TMEM160: variants seen among roughly 807,000 people sequenced by gnomAD.
TMEM160 encodes the protein transmembrane protein 160.
A neutral mutation model predicts 13.9 loss-of-function variants in TMEM160; 10 were observed. The ratio of observed to expected loss-of-function variants is 0.72; its 90% CI spans 0.45 to 1.22. The LOEUF (loss-of-function observed/expected upper bound fraction) is 1.22. Ranked by LOEUF, TMEM160 falls within the 50% of genes most tolerant of loss-of-function variation. The pLI, the probability that TMEM160 is intolerant of heterozygous loss-of-function variation, is 0.00. For missense variants in TMEM160, 287 were observed against 283.2 expected, an observed-to-expected ratio of 1.01 and a Z score of -0.10; for synonymous variants, 159 against 134.8, an observed-to-expected ratio of 1.18 and a Z score of -1.25.
intron 2 of TMEM160, 109 bp downstream of exon 2, chr19:47,046,484 C>G: frequency 9.8e-7 from 1 of 1,024,768 alleles, no homozygotes; most frequent in Non-Finnish European, 1.5e-6. Context: ...GGGTTCTATA[C>G]TTACTACTGG....
At position 47,046,092 on chromosome 19, in the gene TMEM160, G is replaced by A. The variant is rs370873146; in HGVS notation, c.462C>T (p.Gly154=). 118 of 1,537,952 alleles carry A rather than the reference G, an allele frequency of 7.7e-5. No homozygotes were observed. Among genetic ancestry groups the A allele is most frequent in the Non-Finnish European group, 7.1e-5 (81 of 1,148,136 alleles). ...AASLLWACAV[G]LYMGQLELDV... ...CCAGCTCCAGCTGCCCCATGTAGAG[G>A]CCCACGGCGCACGCCCAGAGCAGGC... The change falls in exon 3 of 3, where the codon GGC becomes GGT. Residue 154 remains glycine (G), a synonymous_variant. Coordinates refer to ENST00000253047, the MANE Select transcript of TMEM160 (RefSeq NM_017854.2).
Position 47,046,579 on chromosome 19 carries a change from G to A in TMEM160, c.301+14C>T. 6.2e-7 allele frequency: 1 copy of A among 1,604,566 alleles called. No homozygotes were observed. Among genetic ancestry groups the A allele is most frequent in the Non-Finnish European group, 8.5e-7 (1 of 1,172,270 alleles). ...CCCTGGTTCCGTGGGGCGAGAGGGG[G>A]GGTCTGCACTCACCATATGCTGCTT... On this transcript the variant is annotated intron_variant, in intron 2 of 2. Coordinates refer to ENST00000253047, the MANE Select transcript of TMEM160 (RefSeq NM_017854.2).
At position 47,047,892 on chromosome 19, in the gene TMEM160, A is replaced by G. The variant is rs566932707; in HGVS notation, c.208+515T>C. On this transcript the variant is annotated intron_variant, in intron 1 of 2. Coordinates refer to ENST00000253047, the MANE Select transcript of TMEM160 (RefSeq NM_017854.2). Reference sequence around the variant, plus strand: ...AAAACAAACATGGCCAGTCCGCTCCATTCTGGACCTCGCCTCCGTCACAAG... The same window carrying G: ...AAAACAAACATGGCCAGTCCGCTCCGTTCTGGACCTCGCCTCCGTCACAAG... The G allele has an allele frequency of 7.9e-5, 78 of 984,560 alleles. No individual in the cohort carries two copies. In the South Asian group the frequency reaches 3.1e-3, roughly 39 times the overall value. The allele number at this position is 984,560 out of a possible 1,614,324, so 61.0% of individuals were successfully genotyped here. A position where few individuals can be genotyped will look rare whatever the true frequency, so the allele number is the denominator to read the frequency against.
intron 1 of TMEM160, 106 bp downstream of exon 1, chr19:47,048,301 G>T (rs1364554200): frequency 1.2e-5 from 12 of 1,041,726 alleles, no homozygotes; most frequent in Admixed American, 9.7e-5. Flanking sequence ...CCTTCTCGGA[G>T]CCGAGCCCGG....
In TMEM160 at chr19:47,048,498, G is replaced by A. The variant is rs977930896; in HGVS notation, c.117C>T (p.Pro39=). The change falls in exon 1 of 3, where the codon CCC becomes CCT. Residue 39 remains proline (P), a synonymous_variant. Transcript: ENST00000253047. ...RSGGARGSFA[P]GHGPRAGASP... ...AAGCCCCGGCGCGGGGACCGTGGCC[G>A]GGGGCGAAGGACCCCCGGGCGCCCC... is the stretch of plus-strand genomic sequence containing the variant. 87 of 1,432,080 alleles carry A rather than the reference G, an allele frequency of 6.1e-5. 1 individual carries two copies. The Admixed American group carries it at 2.6e-3, about 43-fold the overall frequency. 88.7% of individuals were successfully genotyped at this position (1,432,080 alleles called of 1,614,324 possible).
intron 1 of TMEM160, chr19:47,047,483 G>A (rs2057086790): frequency 2.0e-6 from 2 of 985,134 alleles, no homozygotes; most frequent in African/African-American, 1.8e-5. Flanking sequence ...TACCGAGTAT[G>A]GCCTGGGCCA....
intron 1 of TMEM160, chr19:47,047,326 C>A: frequency 1.0e-6 from 1 of 985,466 alleles, no homozygotes. Flanking sequence ...TCTACGTGTA[C>A]CCCCACGGCC....
At chr19:47,048,340 C>G (rs2057091950) in intron 1 of TMEM160, 67 bp downstream of exon 1, 1 of 1,323,914 alleles carries the variant, frequency 7.6e-7, no homozygotes, top group Non-Finnish European at 1.0e-6. Flanking sequence ...GCCCCCGCCC[C>G]ATCAAGGTCC....
At chr19:47,048,300 A>G (rs1568515038) in intron 1 of TMEM160, 107 bp downstream of exon 1, 4 of 1,028,556 alleles carry the variant, frequency 3.9e-6, no homozygotes, top group Non-Finnish European at 4.0e-6. Context: ...CCCTTCTCGG[A>G]GCCGAGCCCG....
Position 47,046,581 on chromosome 19 carries a change from G to C in TMEM160, c.301+12C>G, listed in dbSNP as rs747900007. 4.6e-5 allele frequency: 74 copies of C among 1,605,904 alleles called. No homozygotes were observed. Among genetic ancestry groups the C allele is most frequent in the Non-Finnish European group, 5.8e-5 (68 of 1,173,658 alleles). ...CTGGTTCCGTGGGGCGAGAGGGGGG[G>C]TCTGCACTCACCATATGCTGCTTCC... is the stretch of plus-strand genomic sequence containing the variant. On this transcript the variant is annotated intron_variant, in intron 2 of 2. Coordinates refer to ENST00000253047, the MANE Select transcript of TMEM160 (RefSeq NM_017854.2).
intron 2 of TMEM160, 98 bp from the exon 3 acceptor site, chr19:47,046,350 A>AG: frequency 7.2e-7 from 1 of 1,390,132 alleles, no homozygotes; most frequent in Non-Finnish European, 9.6e-7. Flanking sequence ...GGGCCGTGCC[A>AG]GGGGCTAGCC....
chr19:47,046,786 C>A (rs2303106), intron 1 of TMEM160, 101 bp from the exon 2 acceptor site: 3 of 862,728 alleles, frequency 3.5e-6, no homozygotes, highest in Non-Finnish European at 5.7e-6. Context: ...CAGCTCACCC[C>A]ATCCCATCCA....
chr19:47,046,191 C>G lies in TMEM160; in HGVS notation c.363G>C (p.Leu121=), dbSNP rs2057078303. 1 of 1,519,670 alleles carries G rather than the reference C, an allele frequency of 6.6e-7. No individual in the cohort carries two copies. Among genetic ancestry groups the G allele is most frequent in the Non-Finnish European group, 8.8e-7 (1 of 1,140,990 alleles). The allele number at this position is 1,519,670 out of a possible 1,614,324, so 94.1% of individuals were successfully genotyped here. ...GCTGCATGGGTCCTCGCAGCGCCGC[C>G]AGGCCCACGGCGTACGAGGCGCTGC... ...VWGSASYAVG[L]AALRGPMQLT... is the part of the protein sequence containing the mutation. The change falls in exon 3 of 3, where the codon CTG becomes CTC. Residue 121 remains leucine, a synonymous_variant. Transcript: ENST00000253047.
rs1026908169 is a variant in TMEM160 at position 47,048,457 on chromosome 19, G to A, written c.158C>T (p.Ser53Phe). 7.1e-7 allele frequency: 1 copy of A among 1,412,250 alleles called. No homozygotes were observed. Among genetic ancestry groups the A allele is most frequent in the African/African-American group, 1.5e-5 (1 of 65,650 alleles). The allele number at this position is 1,412,250 out of a possible 1,614,324, so 87.5% of individuals were successfully genotyped here. A position where few individuals can be genotyped will look rare whatever the true frequency, so the allele number is the denominator to read the frequency against. Residue 53 changes from serine (S) to phenylalanine (F), a missense_variant, in exon 1 of 3, where the codon TCC (serine) becomes TTC (phenylalanine). By Grantham distance (155) the Ser-to-Phe change is radical. Transcript: ENST00000253047. ...CCAGGCGTCCGCACGATCCAGCTCG[G>A]ACACTGGGGGCGGCGAAGCCCCGGC... ...PRAGASPPPVSELDRADAWLL... is the reference protein window; with the variant it reads ...PRAGASPPPVFELDRADAWLL...
chr19:47,046,887 C>T (rs1304967406), intron 1 of TMEM160, among the ~76,000 whole-genome samples: 1 of 152,192 alleles, frequency 6.6e-6, no homozygotes, highest in African/African-American at 2.4e-5. Context: ...GCCTCCACCT[C>T]AGTGCCCCTC....
At chr19:47,047,658 T>G (rs2057088150) in intron 1 of TMEM160, 11 of 873,674 alleles carry the variant, frequency 1.3e-5, no homozygotes, top group Non-Finnish European at 1.5e-5. Flanking sequence ...CAGACCAGCC[T>G]GGGCAACAAA....
At chr19:47,047,364 T>C (rs1164176193) in intron 1 of TMEM160, 7 of 984,638 alleles carry the variant, frequency 7.1e-6, no homozygotes, top group Non-Finnish European at 8.4e-6. Flanking sequence ...CTCAGAACTC[T>C]GGGACAAACT....
intron 1 of TMEM160, chr19:47,047,966 C>T (rs2057089789): frequency 1.0e-6 from 1 of 983,192 alleles, no homozygotes; most frequent in Admixed American, 6.1e-5. Context: ...CAGCAGAGAG[C>T]TTTCTCCCGA....
chr19:47,048,475 G>T lies in TMEM160; in HGVS notation c.140C>A (p.Ala47Asp), dbSNP rs1000767991. 2.1e-6 allele frequency: 3 copies of T among 1,409,076 alleles called. No individual in the cohort carries two copies. The highest frequency in any genetic ancestry group is 1.8e-6 in the Non-Finnish European group (2 of 1,093,586). 87.3% of individuals were successfully genotyped at this position (1,409,076 alleles called of 1,614,324 possible). ...FAPGHGPRAG[A>D]SPPPVSELDR... ...CAGCTCGGACACTGGGGGCGGCGAA[G>T]CCCCGGCGCGGGGACCGTGGCCGGG... Residue 47 changes from alanine (A) to aspartate (D), a missense_variant, in exon 1 of 3, where the codon GCT becomes GAT. Ala to Asp is a moderately radical substitution (Grantham distance 126). Coordinates refer to ENST00000253047, the MANE Select transcript of TMEM160 (RefSeq NM_017854.2).
Sources: gnomAD v4.1 joint callset for allele counts (sites outside exome capture counted in the v4.1 genomes callset) on GRCh38, gnomAD v4.1.1 for gene constraint, MANE v1.5 for transcripts, NCBI Gene and HGNC (gene_info 2026-07-23, HGNC 2026-07-21) for gene names.